Variants in DACH2 observed in about 807,000 individuals in gnomAD.
DACH2 encodes the protein dachshund homolog 2.
Under a neutral mutation model 35.8 loss-of-function variants are expected in DACH2, and 17 were observed. That is an observed-to-expected ratio of 0.48 (90% CI 0.33 to 0.71). The LOEUF is 0.71. DACH2 is among the 30% of genes least tolerant of loss of function. The pLI, the probability that DACH2 is intolerant of heterozygous loss-of-function variation, is 0.02. For missense variants in DACH2, 469 were observed against 472.7 expected (o/e 0.99, Z 0.07); for synonymous variants, 195 against 177.3 (o/e 1.10, Z -0.79).
intron 1 of DACH2, among the ~76,000 whole-genome samples, chrX:86,280,688 T>C (rs2034008189): frequency 8.9e-6 from 1 of 112,093 alleles, no homozygotes; most frequent in African/African-American, 3.2e-5. Flanking sequence ...CCCATTGTGG[T>C]GCTGTATTCA....
chrX:86,616,072 C>T (rs1414827644), intron 3 of DACH2, among the ~76,000 whole-genome samples: 1 of 111,098 alleles, frequency 9.0e-6, no homozygotes, highest in Non-Finnish European at 1.9e-5. Flanking sequence ...TGGCCTCCAG[C>T]TCCATCCATG....
chrX:86,781,309 A>G (rs1311605400), intron 7 of DACH2, among the ~76,000 whole-genome samples: 2 of 111,564 alleles, frequency 1.8e-5, no homozygotes, highest in Non-Finnish European at 3.8e-5. Flanking sequence ...CCTTTAGTTC[A>G]TCATTTTCTT....
At chrX:86,367,018 T>A (rs987608888) in intron 1 of DACH2, among the ~76,000 whole-genome samples, 2 of 111,051 alleles carry the variant, frequency 1.8e-5, no homozygotes, top group Admixed American at 9.6e-5. Flanking sequence ...ATATTTTTTT[T>A]AAAGATGCAG....
At chrX:86,584,602 G>T (rs6623722) in intron 3 of DACH2, among the ~76,000 whole-genome samples, 45,269 of 109,605 alleles carry the variant, frequency 0.41, 8,556 homozygotes, top group African/African-American at 0.74. Context: ...GCTATACTTT[G>T]GCTCTCAGCA....
chrX:86,159,568 A>G (rs1242479509), intron 1 of DACH2, among the ~76,000 whole-genome samples: 1 of 112,008 alleles, frequency 8.9e-6, no homozygotes, highest in Non-Finnish European at 1.9e-5. Flanking sequence ...CTCACTTTAT[A>G]AGCCAATTAG....
intron 1 of DACH2, among the ~76,000 whole-genome samples, chrX:86,225,778 C>CA (rs1173041874): frequency 9.0e-6 from 1 of 110,670 alleles, no homozygotes; most frequent in Non-Finnish European, 1.9e-5. Context: ...GTAGAGCAAG[C>CA]AGAATGGGTT....
intron 1 of DACH2, among the ~76,000 whole-genome samples, chrX:86,360,585 C>T (rs181615657): frequency 1.8e-5 from 2 of 111,315 alleles, no homozygotes; most frequent in South Asian, 3.8e-4. Context: ...TTCACCCTAT[C>T]GACACATTTA....
intron 1 of DACH2, among the ~76,000 whole-genome samples, chrX:86,283,897 C>CACAT (rs1556012456): frequency 9.4e-6 from 1 of 106,178 alleles, no homozygotes; most frequent in Non-Finnish European, 1.9e-5. Flanking sequence ...CACACACATA[C>CACAT]ACACACACAC....
intron 7 of DACH2, among the ~76,000 whole-genome samples, chrX:86,751,398 G>C (rs1437415088): frequency 1.8e-5 from 2 of 110,651 alleles, no homozygotes; most frequent in Non-Finnish European, 3.8e-5. Flanking sequence ...AGTGAGACTA[G>C]TGTGAAAAAA....
intron 1 of DACH2, among the ~76,000 whole-genome samples, chrX:86,203,628 T>C (rs2147904831): frequency 8.9e-6 from 1 of 111,949 alleles, no homozygotes; most frequent in East Asian, 2.8e-4. Context: ...ATATCCACAA[T>C]GGTATAAAAT....
chrX:86,194,851 G>A (rs933837270), intron 1 of DACH2, among the ~76,000 whole-genome samples: 1 of 112,883 alleles, frequency 8.9e-6, no homozygotes, highest in Non-Finnish European at 1.9e-5. Flanking sequence ...AATTCTGCAA[G>A]ATAGTCTTGC....
chrX:86,281,943 A>G (rs1170900642), intron 1 of DACH2, among the ~76,000 whole-genome samples: 7 of 112,005 alleles, frequency 6.2e-5, no homozygotes, highest in Non-Finnish European at 1.1e-4. Context: ...AAAATTTACT[A>G]GGGATGTGAA....
intron 1 of DACH2, among the ~76,000 whole-genome samples, chrX:86,326,808 G>T (rs887543272): frequency 2.6e-4 from 29 of 111,526 alleles, no homozygotes; most frequent in African/African-American, 7.8e-4. Flanking sequence ...TTTATTAAGG[G>T]ATTTTTACAT....
At position 86,148,631 on chromosome X, in the gene DACH2, C is replaced by T. The variant is rs1172022860; in HGVS notation, c.11C>T (p.Ser4Phe). Residue 4 changes from serine to phenylalanine, a missense_variant, in exon 1 of 12, where the codon TCC (serine) becomes TTC (phenylalanine). By Grantham distance (155) the Ser-to-Phe change is radical. Around this residue, in one of 3 missense-constraint regions of DACH2, gnomAD observed 99 missense variants for 114.3 expected, o/e 0.87. Transcript: ENST00000373125. The stretch of plus-strand genomic sequence containing the variant: ...AGAGACAGAGTGACCATGGCTGTCT[C>T]CGCATCTCCAGTGATCTCTGCAACT... MAV[S>F]ASPVISATSS... 8.6e-7 allele frequency: 1 copy of T among 1,169,273 alleles called. No homozygotes were observed. Among genetic ancestry groups the T allele is most frequent in the Admixed American group, 2.5e-5 (1 of 39,874 alleles).
chrX:86,628,010 C>T (rs1202165765), intron 3 of DACH2, among the ~76,000 whole-genome samples: 4 of 111,827 alleles, frequency 3.6e-5, no homozygotes, highest in African/African-American at 6.5e-5. Flanking sequence ...TAAAGTAGAC[C>T]GCTTCTAGAG....
At chrX:86,397,558 A>G (rs1326296820) in intron 2 of DACH2, among the ~76,000 whole-genome samples, 3 of 111,536 alleles carry the variant, frequency 2.7e-5, no homozygotes. Context: ...ATTTTGAGAT[A>G]CGTCCCATCA....
At chrX:86,316,683 G>C (rs1380358301) in intron 1 of DACH2, among the ~76,000 whole-genome samples, 1 of 111,300 alleles carries the variant, frequency 9.0e-6, no homozygotes, top group Non-Finnish European at 1.9e-5. Context: ...GTGGGGAACA[G>C]CAGCTAGGGC....
Position 86,254,807 on chromosome X carries a change from T to TATAGAGAG in DACH2, c.488+105700_488+105701insTAGAGAGA, listed in dbSNP as rs1380613474. Reference sequence around the variant, plus strand: ...ATATATATATATATATATATATATATAGAGAGAGAGAGAGAGAGAGAGAGA... The same window carrying TATAGAGAG: ...ATATATATATATATATATATATATATATAGAGAGAGAGAGAGAGAGAGAGAGAGAGAGA... On this transcript the variant is annotated intron_variant, in intron 1 of 11. Transcript: ENST00000373125. 2.1e-3 allele frequency among the ~76,000 whole-genome samples: 103 copies of TATAGAGAG among 49,629 alleles called. 1 individual carries two copies. Among genetic ancestry groups the TATAGAGAG allele is most frequent in the African/African-American group, 4.9e-3 (42 of 8,542 alleles). 43.1% of individuals were successfully genotyped at this position (49,629 alleles called of 115,157 possible). A position where few individuals can be genotyped will look rare whatever the true frequency, so the allele number is the denominator to read the frequency against.
intron 1 of DACH2, among the ~76,000 whole-genome samples, chrX:86,157,400 G>A (rs142072049): frequency 0.014 from 1,548 of 111,165 alleles, 37 homozygotes; most frequent in African/African-American, 0.048. Context: ...TTGATCTGTC[G>A]CCGGATTAAA....
Sources: gnomAD v4.1 joint callset for allele counts (sites outside exome capture counted in the v4.1 genomes callset) on GRCh38, gnomAD v4.1.1 for gene constraint, gnomAD v4.1.1 regional missense constraint, MANE v1.5 for transcripts, NCBI Gene and HGNC (gene_info 2026-07-23, HGNC 2026-07-21) for gene names.